GFM2: variants seen among roughly 807,000 people sequenced by gnomAD.
GFM2 encodes ribosome-releasing factor 2, mitochondrial.
A neutral mutation model predicts 95.4 loss-of-function variants in GFM2; 72 were observed. That is an observed-to-expected ratio of 0.76 (90% CI 0.62 to 0.92). GFM2 has a LOEUF of 0.92. Among genes scored for constraint, GFM2 ranks in the 40% least tolerant of loss-of-function variants. The pLI is 0.00. For synonymous variants in GFM2, 276 were observed against 317.5 expected (o/e 0.87, Z 1.39); for missense variants, 825 against 924.1 (o/e 0.89, Z 1.39).
Position 74,730,342 on chromosome 5 carries a change from CTT to C in GFM2, c.1642_1643del (p.Lys548GlufsTer32). On this transcript the variant is annotated frameshift_variant, in exon 17 of 21. Coordinates refer to ENST00000296805, the MANE Select transcript of GFM2 (RefSeq NM_032380.5). LOFTEE classifies it high-confidence loss of function. ...GATAGGTCTCCAGTCCATATTCCCT[CTT>C]GATTCGATCATGAATAATCTCTATA... ...LHIEIIHDRI[K>X]REYGLETYLG... is the part of the protein sequence containing the mutation. The C allele has an allele frequency of 6.2e-7, 1 of 1,612,826 alleles. No homozygotes were observed. The highest frequency in any genetic ancestry group is 8.5e-7 in the Non-Finnish European group (1 of 1,178,936).
intron 12 of GFM2, 98 bp downstream of exon 12, chr5:74,739,891 T>C (rs2112269393): frequency 1.2e-6 from 1 of 861,788 alleles, no homozygotes; most frequent in East Asian, 2.8e-5. Context: ...CTCACCACTA[T>C]TATTCAAAAA....
intron 16 of GFM2, chr5:74,730,751 G>A (rs1742518253): frequency 6.1e-6 from 1 of 162,838 alleles, no homozygotes; most frequent in Non-Finnish European, 1.3e-5. Flanking sequence ...GAATATAATT[G>A]ATGTGGACAG....
chr5:74,758,646 G>T (rs569896768), intron 5 of GFM2, among the ~76,000 whole-genome samples: 1 of 152,324 alleles, frequency 6.6e-6, no homozygotes, highest in Non-Finnish European at 1.5e-5. Context: ...TGGGGCCTAT[G>T]ATAGTCTTAC....
At chr5:74,731,497 A>T (rs112796442) in intron 16 of GFM2, among the ~76,000 whole-genome samples, 2 of 152,174 alleles carry the variant, frequency 1.3e-5, no homozygotes, top group African/African-American at 2.4e-5. Context: ...AGAGGGTAAC[A>T]TGTCCCTGAG....
intron 11 of GFM2, 75 bp downstream of exon 11, chr5:74,741,454 C>A: frequency 1.4e-6 from 1 of 691,762 alleles, no homozygotes. Context: ...AAAATGCACA[C>A]ACATCAAAGG....
Position 74,750,686 on chromosome 5 carries a change from G to A in GFM2, c.431-19C>T, listed in dbSNP as rs543771844. 2.7e-5 allele frequency: 42 copies of A among 1,559,444 alleles called. No individual in the cohort carries two copies. Among genetic ancestry groups the A allele is most frequent in the Admixed American group, 1.7e-4 (10 of 59,164 alleles). ...ACATGACCTAAGAAAAAGATAAGAC[G>A]TATAATGCCTTCTTTTTAACAAAAC... On this transcript the variant is annotated intron_variant, in intron 6 of 20. Transcript: ENST00000296805.
intron 10 of GFM2, among the ~76,000 whole-genome samples, chr5:74,743,050 A>C (rs555720193): frequency 6.6e-6 from 1 of 152,150 alleles, no homozygotes; most frequent in Non-Finnish European, 1.5e-5. Context: ...TCAACTTGCA[A>C]AACAAACTCC....
chr5:74,741,519 TA>T lies in GFM2; in HGVS notation c.930+9del. The stretch of plus-strand genomic sequence containing the variant: ...AAATTTTGTGAAAGCCATTGAATAA[TA>T]AAATTTACCTTTTCAGCTGGTAACA... On this transcript the variant is annotated intron_variant, in intron 11 of 20. Coordinates refer to ENST00000296805, the MANE Select transcript of GFM2 (RefSeq NM_032380.5). 7.3e-7 allele frequency: 1 copy of T among 1,378,694 alleles called. No individual in the cohort carries two copies. Among genetic ancestry groups the T allele is most frequent in the Non-Finnish European group, 1.0e-6 (1 of 979,378 alleles). The allele number at this position is 1,378,694 out of a possible 1,614,324, so 85.4% of individuals were successfully genotyped here.
intron 10 of GFM2, 22 bp from the exon 11 acceptor site, chr5:74,741,631 T>A: frequency 7.7e-7 from 1 of 1,300,682 alleles, no homozygotes; most frequent in African/African-American, 1.5e-5. Flanking sequence ...GGTTTTAGAG[T>A]TCTATAACTT....
At chr5:74,746,887 C>G (rs1325366656) in intron 8 of GFM2, among the ~76,000 whole-genome samples, 1 of 152,044 alleles carries the variant, frequency 6.6e-6, no homozygotes, top group Non-Finnish European at 1.5e-5. Flanking sequence ...ATAATCAAGA[C>G]AAGGTTCTTT....
At chr5:74,750,537 T>C (rs552817369) in intron 7 of GFM2, 42 bp downstream of exon 7, 1 of 1,399,360 alleles carries the variant, frequency 7.1e-7, no homozygotes, top group Non-Finnish European at 1.0e-6. Context: ...TTTTAAAAAA[T>C]CATGCTGTTC....
In GFM2 at chr5:74,726,132, A is replaced by C. The variant is rs373327256; in HGVS notation, c.1727-6T>G. On this transcript the variant is annotated splice_region_variant and splice_polypyrimidine_tract_variant and intron_variant, in intron 17 of 20. Coordinates refer to ENST00000296805, the MANE Select transcript of GFM2 (RefSeq NM_032380.5). ...TAAAGTTCTATCTAAGGTATCTGTA[A>C]ACAAATTGAATATGGCACCTCAGAG... 1.3e-6 allele frequency: 2 copies of C among 1,590,674 alleles called. No homozygotes were observed. The highest frequency in any genetic ancestry group is 1.7e-6 in the Non-Finnish European group (2 of 1,169,030).
intron 5 of GFM2, among the ~76,000 whole-genome samples, chr5:74,757,504 G>GA (rs1450011144): frequency 6.6e-6 from 1 of 151,792 alleles, no homozygotes; most frequent in Non-Finnish European, 1.5e-5. Context: ...CTTATAAAAG[G>GA]AATCTTCACT....
In GFM2 at chr5:74,750,664, T is replaced by G; in HGVS notation, c.434A>C (p.His145Pro). 1 of 1,611,322 alleles carries G rather than the reference T, an allele frequency of 6.2e-7. No individual in the cohort carries two copies. Among genetic ancestry groups the G allele is most frequent in the Non-Finnish European group, 8.5e-7 (1 of 1,177,974 alleles). Residue 145 changes from histidine to proline, a missense_variant, in exon 7 of 21, where the codon CAT becomes CCT. Physicochemically the swap from His to Pro is moderately conservative, Grantham distance 77. Coordinates refer to ENST00000296805, the MANE Select transcript of GFM2 (RefSeq NM_032380.5). Reference sequence around the variant, plus strand: ...CTCAACCTCCAAGGTAAAGTCCACATGACCTAAGAAAAAGATAAGACGTAT... The same window carrying G: ...CTCAACCTCCAAGGTAAAGTCCACAGGACCTAAGAAAAAGATAAGACGTAT... ...YRVNLIDTPG[H>P]VDFTLEVERC...
At chr5:74,733,675 G>A (rs1034798164) in intron 15 of GFM2, among the ~76,000 whole-genome samples, 7 of 152,174 alleles carry the variant, frequency 4.6e-5, no homozygotes, top group African/African-American at 1.7e-4. Context: ...ATGATGAAAA[G>A]TTTGGGTTTG....
chr5:74,733,995 G>C (rs2112245270), intron 15 of GFM2, among the ~76,000 whole-genome samples: 1 of 152,210 alleles, frequency 6.6e-6, no homozygotes, highest in African/African-American at 2.4e-5. Flanking sequence ...AAAGAAATAT[G>C]TTAGAAGTTC....
At chr5:74,730,530 C>T (rs1033866398) in intron 16 of GFM2, 132 bp from the exon 17 acceptor site, 6 of 577,256 alleles carry the variant, frequency 1.0e-5, no homozygotes, top group South Asian at 6.0e-5. Flanking sequence ...CTTTTTGGCC[C>T]GGGGCTTTTA....
Position 74,722,303 on chromosome 5 carries a change from C to CTGATTG in GFM2, c.2211+70_2211+75dup, listed in dbSNP as rs1554037628. On this transcript the variant is annotated intron_variant, in intron 20 of 20. Transcript: ENST00000296805. ...AAGCCTTAATGTTTCTTTCAGGTTA[C>CTGATTG]TGATTGTCTATTCATTGGCATATAA... is the stretch of plus-strand genomic sequence containing the variant. 4 of 1,142,522 alleles carry CTGATTG rather than the reference C, an allele frequency of 3.5e-6. No individual in the cohort carries two copies. In the East Asian group the frequency reaches 9.4e-5, roughly 27 times the overall value. 70.8% of individuals were successfully genotyped at this position (1,142,522 alleles called of 1,614,324 possible). A position where few individuals can be genotyped will look rare whatever the true frequency, so the allele number is the denominator to read the frequency against.
At chr5:74,752,067 C>T (rs1743745002) in intron 5 of GFM2, among the ~76,000 whole-genome samples, 1 of 152,082 alleles carries the variant, frequency 6.6e-6, no homozygotes, top group Admixed American at 6.6e-5. Flanking sequence ...GAAAAAAATT[C>T]ATCCAATATT....
Sources: gnomAD v4.1 joint callset for allele counts (sites outside exome capture counted in the v4.1 genomes callset) on GRCh38, gnomAD v4.1.1 for gene constraint, MANE v1.5 for transcripts, NCBI Gene and HGNC (gene_info 2026-07-23, HGNC 2026-07-21) for gene names.